The following ANGPTL2 variants were observed in gnomAD, a reference collection of about 807,000 sequenced individuals.
The protein encoded by ANGPTL2 is angiopoietin-related protein 2.
ANGPTL2 carries 25 observed loss-of-function variants against 52.8 expected under a neutral mutation model. The observed-to-expected ratio is 0.47, with a 90% confidence interval of 0.35 to 0.66. The LOEUF (loss-of-function observed/expected upper bound fraction) is 0.66. ANGPTL2 is among the 30% of genes least tolerant of loss of function. ANGPTL2 has a pLI of 0.01. For synonymous variants in ANGPTL2, 276 were observed against 277.4 expected, an observed-to-expected ratio of 1.00 and a Z score of 0.05; for missense variants, 546 against 656.9, an observed-to-expected ratio of 0.83 and a Z score of 1.84.
intron 1 of ANGPTL2, among the ~76,000 whole-genome samples, chr9:127,113,200 C>T (rs190181109): frequency 3.8e-4 from 58 of 152,274 alleles, no homozygotes; most frequent in African/African-American, 1.3e-3. Context: ...GTTTTATCAA[C>T]GGAGACATTG....
chr9:127,116,723 G>A (rs966911408), intron 1 of ANGPTL2, among the ~76,000 whole-genome samples: 11 of 152,242 alleles, frequency 7.2e-5, no homozygotes, highest in African/African-American at 2.4e-4. Flanking sequence ...CACCTTGGCT[G>A]TTTGGATGGA....
rs746814997 is a variant in ANGPTL2, at chr9:127,088,772, C to T, written c.*167G>A. On this transcript the variant is annotated 3_prime_UTR_variant, in exon 5 of 5. Coordinates refer to ENST00000373425, the MANE Select transcript of ANGPTL2 (RefSeq NM_012098.3). Reference sequence around the variant, plus strand: ...GTAGGAGGGACAGAAAACACCGTATCGATTCAGTTCCATCATCCGCTGCAG... The same window carrying T: ...GTAGGAGGGACAGAAAACACCGTATTGATTCAGTTCCATCATCCGCTGCAG... 12 of 740,676 alleles carry T rather than the reference C, an allele frequency of 1.6e-5. No homozygotes were observed. Among genetic ancestry groups the T allele is most frequent in the Non-Finnish European group, 2.2e-5 (10 of 446,002 alleles). The allele number at this position is 740,676 out of a possible 1,614,324, so 45.9% of individuals were successfully genotyped here. A position where few individuals can be genotyped will look rare whatever the true frequency, so the allele number is the denominator to read the frequency against.
At chr9:127,089,259 G>T in intron 4 of ANGPTL2, 121 bp from the exon 5 acceptor site, 1 of 1,019,124 alleles carries the variant, frequency 9.8e-7, no homozygotes, top group Non-Finnish European at 1.5e-6. Flanking sequence ...ACGCTTGAAA[G>T]GTGGACCCGT....
chr9:127,089,860 A>G (rs377127233), intron 4 of ANGPTL2, among the ~76,000 whole-genome samples: 1 of 152,192 alleles, frequency 6.6e-6, no homozygotes, highest in Non-Finnish European at 1.5e-5. Flanking sequence ...GGGGGCCACT[A>G]TCTGCCAGCA....
chr9:127,118,844 T>C (rs1044179762), intron 1 of ANGPTL2, among the ~76,000 whole-genome samples: 1 of 152,230 alleles, frequency 6.6e-6, no homozygotes, highest in African/African-American at 2.4e-5. Flanking sequence ...GTACCTGCTT[T>C]GGCAGGGCTG....
chr9:127,105,323 C>A (rs373384525), intron 2 of ANGPTL2, among the ~76,000 whole-genome samples: 1 of 152,098 alleles, frequency 6.6e-6, no homozygotes, highest in Non-Finnish European at 1.5e-5. Context: ...AAAAGACGGG[C>A]GAGTGCAGGA....
At chr9:127,097,028 A>G (rs1208069086) in intron 2 of ANGPTL2, among the ~76,000 whole-genome samples, 1 of 152,166 alleles carries the variant, frequency 6.6e-6, no homozygotes, top group East Asian at 1.9e-4. Flanking sequence ...TTTTCCCCCA[A>G]CCAGAACGAA....
chr9:127,121,710 G>C (rs2056106432), intron 1 of ANGPTL2, among the ~76,000 whole-genome samples: 1 of 152,228 alleles, frequency 6.6e-6, no homozygotes, highest in Non-Finnish European at 1.5e-5. Flanking sequence ...GGAGACCCGG[G>C]GTACCATCCA....
chr9:127,093,723 C>G lies in ANGPTL2; in HGVS notation c.1011+10G>C, dbSNP rs1209173920. ...TGTGGGCAGCACAGACATCCCCTGC[C>G]GAGTCTCACCTTGTACGTCTCCCAG... is the stretch of plus-strand genomic sequence containing the variant. On this transcript the variant is annotated intron_variant, in intron 3 of 4. Coordinates refer to ENST00000373425, the MANE Select transcript of ANGPTL2 (RefSeq NM_012098.3). The G allele has an allele frequency of 6.2e-7, 1 of 1,613,390 alleles. No homozygotes were observed. The highest frequency in any genetic ancestry group is 8.5e-7 in the Non-Finnish European group (1 of 1,179,530).
chr9:127,092,837 G>A (rs1235302961), intron 3 of ANGPTL2, among the ~76,000 whole-genome samples: 1 of 152,112 alleles, frequency 6.6e-6, no homozygotes, highest in African/African-American at 2.4e-5. Flanking sequence ...TCAGGAGGTG[G>A]GGTGGGGGAC....
intron 2 of ANGPTL2, among the ~76,000 whole-genome samples, chr9:127,097,670 A>T (rs925616068): frequency 5.3e-5 from 8 of 152,274 alleles, no homozygotes; most frequent in Non-Finnish European, 8.8e-5. Flanking sequence ...TTGATGAGAA[A>T]TCCACAACTG....
At chr9:127,101,355 C>T (rs974201548) in intron 2 of ANGPTL2, among the ~76,000 whole-genome samples, 1 of 152,204 alleles carries the variant, frequency 6.6e-6, no homozygotes, top group African/African-American at 2.4e-5. Context: ...CTGCAGTTAT[C>T]ACACCACATT....
chr9:127,112,278 G>A (rs2054901275), intron 1 of ANGPTL2, among the ~76,000 whole-genome samples: 2 of 152,210 alleles, frequency 1.3e-5, no homozygotes, highest in African/African-American at 2.4e-5. Flanking sequence ...CGTTTCCAAC[G>A]GTGCTTTGGC....
chr9:127,096,741 G>T (rs1372660671), intron 2 of ANGPTL2, among the ~76,000 whole-genome samples: 1 of 152,222 alleles, frequency 6.6e-6, no homozygotes, highest in East Asian at 1.9e-4. Flanking sequence ...ACACAATTCT[G>T]TATACAGTTT....
chr9:127,088,670 T>C lies in ANGPTL2; in HGVS notation c.*269A>G. 2.0e-6 allele frequency: 1 copy of C among 503,458 alleles called. No homozygotes were observed. The highest frequency in any genetic ancestry group is 3.6e-6 in the Non-Finnish European group (1 of 280,594). 31.2% of individuals were successfully genotyped at this position (503,458 alleles called of 1,614,324 possible). ...CAGTTGTGTTTTTATTGTAGAGACT[T>C]AATTTATTTAAAGAAAGAGTTGTCT... On this transcript the variant is annotated 3_prime_UTR_variant, in exon 5 of 5. Transcript: ENST00000373425.
chr9:127,110,727 G>A (rs965493276), intron 1 of ANGPTL2, among the ~76,000 whole-genome samples: 2 of 152,158 alleles, frequency 1.3e-5, no homozygotes, highest in Non-Finnish European at 2.9e-5. Context: ...AAGTCTTGAA[G>A]TCATCCTAGA....
intron 2 of ANGPTL2, among the ~76,000 whole-genome samples, chr9:127,100,888 C>T (rs531189441): frequency 2.6e-5 from 4 of 152,302 alleles, no homozygotes; most frequent in African/African-American, 9.6e-5. Flanking sequence ...CAAATGCTCA[C>T]GAACCCTTTG....
chr9:127,088,985 TTGAG>T lies in ANGPTL2; in HGVS notation c.1432_1435del (p.Leu478ArgfsTer4). 5 of 1,614,186 alleles carry T rather than the reference TTGAG, an allele frequency of 3.1e-6. No individual in the cohort carries two copies. Among genetic ancestry groups the T allele is most frequent in the Non-Finnish European group, 4.2e-6 (5 of 1,180,032 alleles). On this transcript the variant is annotated frameshift_variant, in exon 5 of 5. Coordinates refer to ENST00000373425, the MANE Select transcript of ANGPTL2 (RefSeq NM_012098.3). LOFTEE classifies it high-confidence loss of function. ...CGGTCGGATCATCATCACCACTTTC[TTGAG>T]TGAGTAAGAGCCTCCTCGGAACTCA...
At chr9:127,110,904 C>T (rs1390319459) in intron 1 of ANGPTL2, among the ~76,000 whole-genome samples, 1 of 152,196 alleles carries the variant, frequency 6.6e-6, no homozygotes, top group African/African-American at 2.4e-5. Context: ...CCTCCCTGCC[C>T]CAGCCTTGCC....
Sources: allele counts gnomAD v4.1 joint callset (sites outside exome capture counted in the v4.1 genomes callset), GRCh38; gene constraint gnomAD v4.1.1; transcripts MANE v1.5; gene names NCBI Gene and HGNC (gene_info 2026-07-23, HGNC 2026-07-21).